Variants in WDR87 observed in about 807,000 individuals in gnomAD.
WDR87 encodes WD repeat domain 87.
Under a neutral mutation model 83.3 loss-of-function variants are expected in WDR87, and 56 were observed. The observed-to-expected ratio is 0.67, with a 90% CI of 0.54 to 0.84. The LOEUF is 0.84. Among genes scored for constraint, WDR87 ranks in the 40% least tolerant of loss-of-function variants. The pLI is 0.00. For missense variants in WDR87, 2,939 were observed against 3,431.9 expected (o/e 0.86, Z 3.59); for synonymous variants, 1,173 against 1,250.6 (o/e 0.94, Z 1.31).
chr19:37,885,195 T>C lies in WDR87; in HGVS notation c.8476A>G (p.Ile2826Val), dbSNP rs2046132382. The C allele has an allele frequency of 6.8e-7, 1 of 1,476,654 alleles. No individual in the cohort carries two copies. The highest frequency in any genetic ancestry group is 1.4e-5 in the African/African-American group (1 of 70,310). The allele number at this position is 1,476,654 out of a possible 1,614,324, so 91.5% of individuals were successfully genotyped here. ...GTGGCTTTTAGGGCCTCTTCGTAGA[T>C]GATCTCTTGGGGTTGAGGTTCCTCT... ...MREEPQPQEI[I>V]YEEALKATEL... is the part of the protein sequence containing the mutation. Residue 2826 changes from isoleucine to valine, a missense_variant, in exon 6 of 6, where the codon ATC (isoleucine) becomes GTC (valine). This residue lies in a region of WDR87 where 2,160 missense variants were observed against 2,533.1 expected (regional missense o/e 0.85). Transcript: ENST00000447313.
rs2046221482 is a variant in WDR87, at chr19:37,893,150, C to G, written c.2553G>C (p.Arg851=). 1 of 1,551,824 alleles carries G rather than the reference C, an allele frequency of 6.4e-7. No individual in the cohort carries two copies. The highest frequency in any genetic ancestry group is 1.4e-5 in the African/African-American group (1 of 73,060). The change falls in exon 4 of 6, where the codon CGG becomes CGC. Residue 851 remains arginine (R), a synonymous_variant. Coordinates refer to ENST00000447313, the MANE Select transcript of WDR87 (RefSeq NM_001291088.2). Reference sequence around the variant, plus strand: ...CTTGAGACCTGTCCCATTCCAGCTCCCGCTGGGGTGCATGCAGGTTGCACT... The same window carrying G: ...CTTGAGACCTGTCCCATTCCAGCTCGCGCTGGGGTGCATGCAGGTTGCACT... The part of the protein sequence containing the change: ...YLQCNLHAPQ[R]ELEWDRSQEF...
intron 1 of WDR87, among the ~76,000 whole-genome samples, chr19:37,899,011 ATTG>A (rs1209497307): frequency 2.0e-5 from 3 of 152,152 alleles, no homozygotes; most frequent in Admixed American, 2.0e-4. Context: ...TCAATGAATA[ATTG>A]TTGTTGCTGC....
rs995082812 is a variant in WDR87 at position 37,889,429 on chromosome 19, A to G, written c.4242T>C (p.Phe1414=). The stretch of plus-strand genomic sequence containing the variant: ...CCATGGTTACATTACCTGGTTCTAA[A>G]AAAATAACTTTCTTGCCCTTTTTCA... ...VILKKGKKVI[F]LEPGNVTMGK... The change falls in exon 6 of 6, where the codon TTT becomes TTC. Residue 1414 remains phenylalanine (F), a synonymous_variant. Transcript: ENST00000447313. 2.6e-6 allele frequency: 4 copies of G among 1,551,702 alleles called. No individual in the cohort carries two copies. In the African/African-American group the frequency reaches 5.5e-5, roughly 21 times the overall value.
chr19:37,889,802 G>T lies in WDR87; in HGVS notation c.3869C>A (p.Ala1290Asp), dbSNP rs1235082346. 2 of 1,551,668 alleles carry T rather than the reference G, an allele frequency of 1.3e-6. No individual in the cohort carries two copies. Among genetic ancestry groups the T allele is most frequent in the Admixed American group, 2.0e-5 (1 of 50,992 alleles). ...SWRDDLCRLM[A>D]LRISGSQTKM... The stretch of plus-strand genomic sequence containing the variant: ...TGTTTGGGAACCAGATATCCTCAGG[G>T]CCATAAGACGACATAGATCGTCCCT... Residue 1290 changes from alanine (A) to aspartate (D), a missense_variant, in exon 6 of 6, where the codon GCC (alanine) becomes GAC (aspartate). This residue lies in a region of WDR87 where 2,160 missense variants were observed against 2,533.1 expected (regional missense o/e 0.85). Coordinates refer to ENST00000447313, the MANE Select transcript of WDR87 (RefSeq NM_001291088.2).
chr19:37,891,608 A>G lies in WDR87; in HGVS notation c.3338T>C (p.Val1113Ala). ...TTGGCCTTTGCTGGGCTTGATGGCC[A>G]CTTCAGATTCTTCAGAAACTGTAGG... ...KPPTVSEESE[V>A]AIKPSKGQRR... The change falls in exon 5 of 6, where the codon GTG becomes GCG. Residue 1113 changes from valine (V) to alanine (A), a missense_variant. Physicochemically the swap from Val to Ala is moderately conservative, Grantham distance 64 (BLOSUM62 0). Transcript: ENST00000447313. The G allele has an allele frequency of 1.9e-6, 3 of 1,551,988 alleles. No individual in the cohort carries two copies. Among genetic ancestry groups the G allele is most frequent in the Non-Finnish European group, 2.6e-6 (3 of 1,147,064 alleles).
intron 3 of WDR87, among the ~76,000 whole-genome samples, 176 bp from the exon 4 acceptor site, chr19:37,895,632 G>A (rs1273378487): frequency 6.6e-6 from 1 of 151,946 alleles, no homozygotes; most frequent in Non-Finnish European, 1.5e-5. Flanking sequence ...GCTGGGTGTG[G>A]TGTCGGTGCC....
chr19:37,895,373 C>T lies in WDR87; in HGVS notation c.330G>A (p.Gln110=). Residue 110 remains glutamine, a synonymous_variant, in exon 4 of 6, where the codon CAG becomes CAA. Coordinates refer to ENST00000447313, the MANE Select transcript of WDR87 (RefSeq NM_001291088.2). ...GAAAGGAGCCTGCATGGACCATGGA[C>T]TGGATGGGTGGCAATCGTTCAGTCA... ...FSMTERLPPI[Q]SMVHAGSFHI... 2 of 1,551,722 alleles carry T rather than the reference C, an allele frequency of 1.3e-6. No individual in the cohort carries two copies. Among genetic ancestry groups the T allele is most frequent in the Non-Finnish European group, 1.7e-6 (2 of 1,146,994 alleles).
chr19:37,886,942 C>T lies in WDR87; in HGVS notation c.6729G>A (p.Lys2243=). ...KRRWRKRKEA[K]RGDKPKEKFS... The stretch of plus-strand genomic sequence containing the variant: ...ACTTTTCTTTTGGTTTGTCACCTCT[C>T]TTGGCCTCTTTCCTCTTTCTCCACC... The change falls in exon 6 of 6, where the codon AAG becomes AAA. Residue 2243 remains lysine, a synonymous_variant. Transcript: ENST00000447313. 5.8e-6 allele frequency: 9 copies of T among 1,551,944 alleles called. No individual in the cohort carries two copies. The highest frequency in any genetic ancestry group is 1.4e-5 in the African/African-American group (1 of 73,146).
chr19:37,892,841 G>T lies in WDR87; in HGVS notation c.2862C>A (p.Ser954=), dbSNP rs2046218090. 6.4e-7 allele frequency: 1 copy of T among 1,551,790 alleles called. No homozygotes were observed. Among genetic ancestry groups the T allele is most frequent in the Non-Finnish European group, 8.7e-7 (1 of 1,147,012 alleles). The change falls in exon 4 of 6, where the codon TCC becomes TCA. Residue 954 remains serine, a synonymous_variant. Coordinates refer to ENST00000447313, the MANE Select transcript of WDR87 (RefSeq NM_001291088.2). ...GGGCTGTCTCAGAGCGTAGGGCTGG[G>T]GACACCTGGTAAGAGGCAAAGATTT... ...LGQIFASYQV[S]PALRSETARR... is the part of the protein sequence containing the mutation.
At position 37,887,800 on chromosome 19, in the gene WDR87, T is replaced by C. The variant is rs1256821253; in HGVS notation, c.5871A>G (p.Gln1957=). ...KLAETEKKLV[Q]VEDSLAKKQE... is the part of the protein sequence containing the mutation. ...GTTTTTTGGCCAAACTATCCTCTAC[T>C]TGGACCAATTTTTTCTCTGTTTCAG... The change falls in exon 6 of 6, where the codon CAA becomes CAG. Residue 1957 remains glutamine (Q), a synonymous_variant. Transcript: ENST00000447313. 1 of 1,551,092 alleles carries C rather than the reference T, an allele frequency of 6.4e-7. No individual in the cohort carries two copies. Among genetic ancestry groups the C allele is most frequent in the Non-Finnish European group, 8.7e-7 (1 of 1,146,982 alleles).
At position 37,895,143 on chromosome 19, in the gene WDR87, G is replaced by C; in HGVS notation, c.560C>G (p.Ala187Gly). Reference protein sequence around the residue: ...IELGGTGLQIAHMVSMPGDEL... With the variant: ...IELGGTGLQIGHMVSMPGDEL... ...ATCACCTGGCATGGAGACCATGTGG[G>C]CTATTTGGAGGCCCGTGCCACCTAG... The change falls in exon 4 of 6, where the codon GCC (alanine) becomes GGC (glycine). Residue 187 changes from alanine (A) to glycine (G), a missense_variant. By Grantham distance (60) the Ala-to-Gly change is moderately conservative. Coordinates refer to ENST00000447313, the MANE Select transcript of WDR87 (RefSeq NM_001291088.2). 6.4e-7 allele frequency: 1 copy of C among 1,551,708 alleles called. No homozygotes were observed. The highest frequency in any genetic ancestry group is 8.7e-7 in the Non-Finnish European group (1 of 1,147,004).
chr19:37,885,538 G>A lies in WDR87; in HGVS notation c.8133C>T (p.Asp2711=), dbSNP rs1568447474. Residue 2711 remains aspartate, a synonymous_variant, in exon 6 of 6, where the codon GAC becomes GAT. Transcript: ENST00000447313. ...EMQYFYPATR[D]IFPSAHASVE... The stretch of plus-strand genomic sequence containing the variant: ...CAGAGGCATGGGCACTTGGAAAAAT[G>A]TCTCTGGTGGCAGGATAAAAGTATT... 6.4e-7 allele frequency: 1 copy of A among 1,551,726 alleles called. No individual in the cohort carries two copies. The highest frequency in any genetic ancestry group is 8.7e-7 in the Non-Finnish European group (1 of 1,147,008).
At position 37,888,361 on chromosome 19, in the gene WDR87, T is replaced by C. The variant is rs993021218; in HGVS notation, c.5310A>G (p.Lys1770=). The change falls in exon 6 of 6, where the codon AAA becomes AAG. Residue 1770 remains lysine (K), a synonymous_variant. Coordinates refer to ENST00000447313, the MANE Select transcript of WDR87 (RefSeq NM_001291088.2). ...LEWDMEELSW[K]EEELNQEEGK... ...CCTCTTCCTGATTCAGTTCCTCTTC[T>C]TTCCAAGACAGTTCTTCCATGTCCC... is the stretch of plus-strand genomic sequence containing the variant. 55 of 1,551,854 alleles carry C rather than the reference T, an allele frequency of 3.5e-5. No homozygotes were observed. The African/African-American group carries it at 7.5e-4, about 21-fold the overall frequency.
Position 37,896,144 on chromosome 19 carries a change from T to G in WDR87, c.240A>C (p.Glu80Asp), listed in dbSNP as rs2046253702. ...GTAAGAAAGGCAGTCTTACTTGTAT[T>G]TCTTTTGTGTTTGATGTCACCCAAG... ...SLSWVTSNTK[E>D]IQAVAWMKSK... The change falls in exon 3 of 6, where the codon GAA (glutamate) becomes GAC (aspartate). Residue 80 changes from glutamate (E) to aspartate (D), a missense_variant. Physicochemically the swap from Glu to Asp is conservative, Grantham distance 45. Around this residue, in one of 3 missense-constraint regions of WDR87, gnomAD observed 226 missense variants for 320.9 expected, o/e 0.70. Coordinates refer to ENST00000447313, the MANE Select transcript of WDR87 (RefSeq NM_001291088.2). The G allele has an allele frequency of 1.3e-6, 2 of 1,552,186 alleles. No individual in the cohort carries two copies. The highest frequency in any genetic ancestry group is 1.7e-6 in the Non-Finnish European group (2 of 1,147,136).
chr19:37,894,656 G>C lies in WDR87; in HGVS notation c.1047C>G (p.His349Gln), dbSNP rs1360298052. ...FCQTAHSFSL[H>Q]RLPCFYSLFN... ...AGAGGCTGTAGAAGCAGGGCAGGCG[G>C]TGCAAGGAAAAACTATGGGCAGTTT... The change falls in exon 4 of 6, where the codon CAC (histidine) becomes CAG (glutamine). Residue 349 changes from histidine (H) to glutamine (Q), a missense_variant. This residue lies in a region of WDR87 where 553 missense variants were observed against 577.9 expected (regional missense o/e 0.96). Transcript: ENST00000447313. 9 of 1,551,620 alleles carry C rather than the reference G, an allele frequency of 5.8e-6. No individual in the cohort carries two copies.
rs1446118187 is a variant in WDR87 at position 37,893,432 on chromosome 19, G to A, written c.2271C>T (p.Ser757=). ...GCATGGAGGAACGCAGTAACACTGG[G>A]CTCCCTTCCTCATCTTCTTCTATCA... The part of the protein sequence containing the change: ...PHVIEEDEEG[S]PVLLRSSMHY... The change falls in exon 4 of 6, where the codon AGC becomes AGT. Residue 757 remains serine, a synonymous_variant. Coordinates refer to ENST00000447313, the MANE Select transcript of WDR87 (RefSeq NM_001291088.2). The A allele has an allele frequency of 1.3e-6, 2 of 1,552,142 alleles. No individual in the cohort carries two copies. Among genetic ancestry groups the A allele is most frequent in the Non-Finnish European group, 1.7e-6 (2 of 1,147,104 alleles).
intron 4 of WDR87, among the ~76,000 whole-genome samples, 178 bp from the exon 5 acceptor site, chr19:37,891,998 A>G (rs139194424): frequency 6.8e-4 from 103 of 152,234 alleles, no homozygotes; most frequent in Admixed American, 8.5e-4. Flanking sequence ...CAAGGTGGCA[A>G]TGAATGGAGT....
chr19:37,899,086 GTGTTGTT>G (rs1568456502), intron 1 of WDR87, among the ~76,000 whole-genome samples: 82 of 117,634 alleles, frequency 7.0e-4, no homozygotes, highest in African/African-American at 3.0e-3. Flanking sequence ...AGTTGTTGTT[GTGTTGTT>G]TTGTTTTGTT....
In WDR87 at chr19:37,886,710, T is replaced by C; in HGVS notation, c.6961A>G (p.Lys2321Glu). 1 of 1,450,684 alleles carries C rather than the reference T, an allele frequency of 6.9e-7. No homozygotes were observed. 89.9% of individuals were successfully genotyped at this position (1,450,684 alleles called of 1,614,324 possible). ...EEEGEEKQVE[K>E]EEEEKKKKKK... is the part of the protein sequence containing the mutation. Reference sequence around the variant, plus strand: ...TTCTTCTTCTTCTCCTCCTCTTCTTTCTCCACTTGCTTCTCCTCCCCTTCC... The same window carrying C: ...TTCTTCTTCTTCTCCTCCTCTTCTTCCTCCACTTGCTTCTCCTCCCCTTCC... Residue 2321 changes from lysine to glutamate, a missense_variant, in exon 6 of 6, where the codon AAA becomes GAA. Coordinates refer to ENST00000447313, the MANE Select transcript of WDR87 (RefSeq NM_001291088.2).
Sources: allele counts gnomAD v4.1 joint callset (sites outside exome capture counted in the v4.1 genomes callset), GRCh38; gene constraint gnomAD v4.1.1; regional missense constraint gnomAD v4.1.1; transcripts MANE v1.5; gene names NCBI Gene and HGNC (gene_info 2026-07-23, HGNC 2026-07-21).